The following DHX35 variants were observed in gnomAD, a reference collection of about 807,000 sequenced individuals.
The protein encoded by DHX35 is DEAH-box helicase 35, also known as probable ATP-dependent RNA helicase DHX35.
Under a neutral mutation model 99.6 loss-of-function variants are expected in DHX35, and 84 were observed. The observed-to-expected ratio is 0.84, with a 90% CI of 0.71 to 1.01. DHX35 has a LOEUF of 1.01. Among genes scored for constraint, DHX35 ranks in the 50% least tolerant of loss-of-function variants. DHX35 has a pLI of 0.00. For missense variants in DHX35, 852 were observed against 888.5 expected (o/e 0.96, Z 0.52); for synonymous variants, 331 against 316.2 (o/e 1.05, Z -0.50).
At chr20:39,034,101 T>C (rs548979508) in intron 20 of DHX35, 105 bp from the exon 21 acceptor site, 9 of 798,748 alleles carry the variant, frequency 1.1e-5, no homozygotes, top group Non-Finnish European at 1.9e-5. Flanking sequence ...GTCTGGCACA[T>C]AGAGTAGAAC....
intron 3 of DHX35, among the ~76,000 whole-genome samples, chr20:38,974,440 G>C (rs1224528330): frequency 6.6e-6 from 1 of 152,228 alleles, no homozygotes; most frequent in Non-Finnish European, 1.5e-5. Context: ...AAGGGACAAA[G>C]GTGCACAGTG....
intron 8 of DHX35, among the ~76,000 whole-genome samples, chr20:39,000,331 G>A (rs2086498173): frequency 6.6e-6 from 1 of 152,180 alleles, no homozygotes; most frequent in Non-Finnish European, 1.5e-5. Flanking sequence ...TTGCACGTCT[G>A]CCTTCTGTGA....
intron 4 of DHX35, among the ~76,000 whole-genome samples, chr20:38,988,019 A>G (rs932847846): frequency 1.3e-5 from 2 of 151,936 alleles, no homozygotes; most frequent in Non-Finnish European, 2.9e-5. Flanking sequence ...GTCCCGGGGG[A>G]TGGGTTTTCT....
intron 18 of DHX35, among the ~76,000 whole-genome samples, chr20:39,025,965 G>A (rs747469668): frequency 6.6e-6 from 1 of 152,146 alleles, no homozygotes; most frequent in East Asian, 1.9e-4. Flanking sequence ...ACAATTAGTC[G>A]TAAGATCCTA....
chr20:38,998,258 CAT>C (rs2086461763), intron 8 of DHX35, among the ~76,000 whole-genome samples: 1 of 152,190 alleles, frequency 6.6e-6, no homozygotes, highest in Non-Finnish European at 1.5e-5. Flanking sequence ...TGGTAGCTCC[CAT>C]AGTTTTTTTG....
At chr20:39,033,178 G>A (rs1317504437) in intron 20 of DHX35, among the ~76,000 whole-genome samples, 1 of 152,154 alleles carries the variant, frequency 6.6e-6, no homozygotes, top group Non-Finnish European at 1.5e-5. Flanking sequence ...TCAGGCTTCA[G>A]TGAGCCATGA....
chr20:38,990,751 C>G (rs924803397), intron 5 of DHX35, among the ~76,000 whole-genome samples: 29 of 152,248 alleles, frequency 1.9e-4, no homozygotes, highest in African/African-American at 7.0e-4. Flanking sequence ...TGAGCATCTG[C>G]AGATTTTGGT....
At position 39,038,803 on chromosome 20, in the gene DHX35, C is replaced by T. The variant is rs575415174; in HGVS notation, c.*260C>T. On this transcript the variant is annotated 3_prime_UTR_variant, in exon 22 of 22. Coordinates refer to ENST00000252011, the MANE Select transcript of DHX35 (RefSeq NM_021931.4). ...AGAGTGGGAGTTGGCTCACTCAGCA[C>T]GCTCACTAACCCAGCATGCCACTTC... 4.6e-5 allele frequency: 25 copies of T among 538,710 alleles called. No individual in the cohort carries two copies. The highest frequency in any genetic ancestry group is 9.6e-5 in the East Asian group (3 of 31,252). 33.4% of individuals were successfully genotyped at this position (538,710 alleles called of 1,614,324 possible). A position where few individuals can be genotyped will look rare whatever the true frequency, so the allele number is the denominator to read the frequency against.
intron 21 of DHX35, 80 bp downstream of exon 21, chr20:39,034,397 T>A: frequency 8.3e-7 from 1 of 1,207,286 alleles, no homozygotes; most frequent in Non-Finnish European, 1.2e-6. Context: ...TTTCTCCAAT[T>A]TAATGCCCTA....
At chr20:39,023,400 G>T (rs540507748) in intron 16 of DHX35, among the ~76,000 whole-genome samples, 1 of 152,114 alleles carries the variant, frequency 6.6e-6, no homozygotes, top group East Asian at 1.9e-4. Context: ...ACAGGGTCTC[G>T]CCCTGTTGCC....
intron 18 of DHX35, among the ~76,000 whole-genome samples, chr20:39,026,351 G>A (rs1324853512): frequency 6.6e-6 from 1 of 152,198 alleles, no homozygotes. Context: ...AGCCCAGGCG[G>A]TTCCATTTAA....
At chr20:39,026,887 A>G (rs80183699) in intron 18 of DHX35, among the ~76,000 whole-genome samples, 2,457 of 152,300 alleles carry the variant, frequency 0.016, 68 homozygotes, top group African/African-American at 0.055. Context: ...CCCAGCAGGT[A>G]GATGACAGCC....
chr20:39,030,812 G>C, intron 20 of DHX35, 37 bp downstream of exon 20: 1 of 1,602,288 alleles, frequency 6.2e-7, no homozygotes, highest in East Asian at 2.2e-5. Flanking sequence ...TGCCTGCTTT[G>C]AACAGGGCCA....
chr20:39,025,862 G>A (rs1429671070), intron 18 of DHX35, among the ~76,000 whole-genome samples: 1 of 152,204 alleles, frequency 6.6e-6, no homozygotes, highest in Non-Finnish European at 1.5e-5. Flanking sequence ...ATTAATCAGG[G>A]ACACAGTAGG....
At chr20:38,971,579 C>T (rs764212766) in intron 2 of DHX35, among the ~76,000 whole-genome samples, 1 of 152,028 alleles carries the variant, frequency 6.6e-6, no homozygotes, top group African/African-American at 2.4e-5. Context: ...TGTATATTGT[C>T]CTTAGTGTAA....
At chr20:38,966,655 A>G (rs920367800) in intron 1 of DHX35, among the ~76,000 whole-genome samples, 3 of 152,074 alleles carry the variant, frequency 2.0e-5, no homozygotes, top group South Asian at 2.1e-4. Context: ...AGCAACAGAG[A>G]CTCCATCTCC....
rs1162555749 is a variant in DHX35 at position 39,004,307 on chromosome 20, C to T, written c.1011+400C>T. 6.6e-5 allele frequency among the ~76,000 whole-genome samples: 10 copies of T among 152,268 alleles called. No homozygotes were observed. In the East Asian group the frequency reaches 1.2e-3, roughly 18 times the overall value. On this transcript the variant is annotated intron_variant, in intron 11 of 21. Coordinates refer to ENST00000252011, the MANE Select transcript of DHX35 (RefSeq NM_021931.4). ...GTCTCGATCTCCTGACCTTGTGATC[C>T]GCCCACCTTGGCCTCCCAAAGTGCT...
chr20:38,991,440 T>A lies in DHX35; in HGVS notation c.451-14T>A. On this transcript the variant is annotated splice_polypyrimidine_tract_variant and intron_variant, in intron 5 of 21. Coordinates refer to ENST00000252011, the MANE Select transcript of DHX35 (RefSeq NM_021931.4). ...AGTGAATTATTTCTAAAGCTTTGTG[T>A]TTTTATTTTTTAGTTTCTTACTGAT... 1 of 1,610,144 alleles carries A rather than the reference T, an allele frequency of 6.2e-7. No individual in the cohort carries two copies. The highest frequency in any genetic ancestry group is 1.3e-5 in the African/African-American group (1 of 74,776).
chr20:39,037,925 G>GA (rs11357172), intron 21 of DHX35, among the ~76,000 whole-genome samples: 3 of 149,492 alleles, frequency 2.0e-5, no homozygotes, highest in Non-Finnish European at 4.5e-5. Flanking sequence ...CATTTCTGGG[G>GA]AAAAAAAAAA....
Sources: gnomAD v4.1 joint callset for allele counts (sites outside exome capture counted in the v4.1 genomes callset) on GRCh38, gnomAD v4.1.1 for gene constraint, MANE v1.5 for transcripts, NCBI Gene and HGNC (gene_info 2026-07-23, HGNC 2026-07-21) for gene names.